The following PCDHGA10 variants were observed in gnomAD, a reference collection of about 807,000 sequenced individuals.
PCDHGA10 encodes the protein protocadherin gamma subfamily A, 10.
In PCDHGA10, 42 loss-of-function variants were observed where a neutral mutation model predicts 59.5. The ratio of observed to expected loss-of-function variants is 0.71; its 90% CI spans 0.55 to 0.91. PCDHGA10 has a LOEUF of 0.91. PCDHGA10 is among the 40% of genes least tolerant of loss of function. The pLI, the probability that PCDHGA10 is intolerant of heterozygous loss-of-function variation, is 0.00. For synonymous variants in PCDHGA10, 511 were observed against 517.2 expected (o/e 0.99, Z 0.16); for missense variants, 1,111 against 1,198.2 (o/e 0.93, Z 1.07).
intron 1 of PCDHGA10, among the ~76,000 whole-genome samples, chr5:141,468,747 T>A (rs2099176715): frequency 6.6e-6 from 1 of 151,990 alleles, no homozygotes; most frequent in South Asian, 2.1e-4. Context: ...GTGCCTGTAG[T>A]CCCAGCTACT....
chr5:141,467,764 TGCCCGCACCTCA>T (rs544344217), intron 1 of PCDHGA10, among the ~76,000 whole-genome samples: 90 of 152,158 alleles, frequency 5.9e-4, no homozygotes, highest in South Asian at 1.0e-3. Context: ...CATGCTCAAG[TGCCCGCACCTCA>T]GCCTCTCAAG....
intron 1 of PCDHGA10, chr5:141,423,881 G>A (rs2096788712): frequency 7.8e-7 from 1 of 1,281,784 alleles, no homozygotes; most frequent in Non-Finnish European, 9.9e-7. Flanking sequence ...TTCAATCTTG[G>A]CATATTTTCT....
Position 141,477,662 on chromosome 5 carries a change from A to G in PCDHGA10, c.2437-17145A>G. On this transcript the variant is annotated intron_variant, in intron 1 of 3. Transcript: ENST00000398610. The surrounding 1 kb of genome is among the most constrained non-coding windows in gnomAD (Gnocchi z 4.9). ...TCGCTATTTCACAATAAATCGTGAC[A>G]ATGGCATAGTGTCATCCTTAGTGCC... The G allele has an allele frequency of 6.2e-7, 1 of 1,614,222 alleles. No individual in the cohort carries two copies.
At chr5:141,430,633 C>T in intron 1 of PCDHGA10, 1 of 868,018 alleles carries the variant, frequency 1.2e-6, no homozygotes, top group Non-Finnish European at 1.7e-6. Context: ...ATGAACCATC[C>T]CTGGGAGTAT....
intron 1 of PCDHGA10, chr5:141,428,270 C>T (rs1353416356): frequency 1.3e-6 from 1 of 778,952 alleles, no homozygotes. Flanking sequence ...AGTCCTGTGC[C>T]CTCTGATTCC....
chr5:141,459,579 T>G (rs1047850142), intron 1 of PCDHGA10, among the ~76,000 whole-genome samples: 2 of 152,212 alleles, frequency 1.3e-5, no homozygotes, highest in African/African-American at 4.8e-5. Context: ...AGAATTGTTT[T>G]GGGGGTCATA....
At position 141,431,303 on chromosome 5, in the gene PCDHGA10, G is replaced by T. The variant is rs777784010; in HGVS notation, c.2436+15692G>T. The T allele has an allele frequency of 1.2e-6, 2 of 1,614,060 alleles. No homozygotes were observed. Among genetic ancestry groups the T allele is most frequent in the Non-Finnish European group, 1.7e-6 (2 of 1,180,038 alleles). On this transcript the variant is annotated intron_variant, in intron 1 of 3. Coordinates refer to ENST00000398610, the MANE Select transcript of PCDHGA10 (RefSeq NM_018913.3). The surrounding 1 kb of genome is among the most constrained non-coding windows in gnomAD (Gnocchi z 4.8). ...CCCGAACACTCACTTCTCCCTCATC[G>T]TGCAAAATGGAGCCGACGGTAGTAA...
At chr5:141,437,944 G>A (rs576107104) in intron 1 of PCDHGA10, among the ~76,000 whole-genome samples, 1 of 152,178 alleles carries the variant, frequency 6.6e-6, no homozygotes, top group South Asian at 2.1e-4. Flanking sequence ...CACCATATTG[G>A]CCAGAATGGT....
chr5:141,421,073 G>A (rs2096544393), intron 1 of PCDHGA10: 4 of 613,858 alleles, frequency 6.5e-6, no homozygotes, highest in Non-Finnish European at 1.1e-5. Flanking sequence ...GGAATGAGAT[G>A]GATACTCACA....
intron 1 of PCDHGA10, among the ~76,000 whole-genome samples, chr5:141,433,664 C>G (rs1027404017): frequency 6.6e-6 from 1 of 151,966 alleles, no homozygotes; most frequent in South Asian, 2.1e-4. Flanking sequence ...GGAGAAACCC[C>G]GTCTATACTA....
At chr5:141,437,778 G>C (rs750813139) in intron 1 of PCDHGA10, among the ~76,000 whole-genome samples, 1 of 146,836 alleles carries the variant, frequency 6.8e-6, no homozygotes, top group Non-Finnish European at 1.5e-5. Flanking sequence ...TCAATCTGTC[G>C]CCAAGCTGGA....
chr5:141,444,240 C>A (rs1017550385), intron 1 of PCDHGA10, among the ~76,000 whole-genome samples: 1 of 128,688 alleles, frequency 7.8e-6, no homozygotes, highest in Admixed American at 9.7e-5. Flanking sequence ...GGCATGCTCT[C>A]GGCTCACTGC....
chr5:141,474,626 G>A (rs1006911535), intron 1 of PCDHGA10, among the ~76,000 whole-genome samples: 5 of 152,288 alleles, frequency 3.3e-5, no homozygotes, highest in African/African-American at 9.6e-5. Flanking sequence ...CATCTCTTCC[G>A]GAAATATCCT....
chr5:141,491,800 C>G lies in PCDHGA10; in HGVS notation c.2437-3007C>G. The G allele has an allele frequency of 6.7e-7, 1 of 1,500,854 alleles. No individual in the cohort carries two copies. The highest frequency in any genetic ancestry group is 8.9e-7 in the Non-Finnish European group (1 of 1,125,316). 93.0% of individuals were successfully genotyped at this position (1,500,854 alleles called of 1,614,324 possible). A position where few individuals can be genotyped will look rare whatever the true frequency, so the allele number is the denominator to read the frequency against. ...GAACTTGCATCCACTCCTCTCCGGC[C>G]GGCTTGGTCGCTGGCTGCGCTCCAC... On this transcript the variant is annotated intron_variant, in intron 1 of 3. Transcript: ENST00000398610. The surrounding 1 kb of genome is among the most constrained non-coding windows in gnomAD (Gnocchi z 6.9).
Position 141,415,462 on chromosome 5 carries a change from C to T in PCDHGA10, c.2287C>T (p.Leu763Phe). 6.2e-7 allele frequency: 1 copy of T among 1,614,220 alleles called. No individual in the cohort carries two copies. ...FLQTYSHEVS[L>F]TADSRKSHLI... ...GCAGACCTATTCCCACGAGGTCTCTCTCACCGCGGACTCGCGAAAGAGTCA... is the reference window on the plus strand; with the variant it reads ...GCAGACCTATTCCCACGAGGTCTCTTTCACCGCGGACTCGCGAAAGAGTCA... Residue 763 changes from leucine (L) to phenylalanine (F), a missense_variant, in exon 1 of 4, where the codon CTC becomes TTC. Transcript: ENST00000398610.
chr5:141,428,757 G>T (rs1216855355), intron 1 of PCDHGA10: 1 of 154,176 alleles, frequency 6.5e-6, no homozygotes, highest in Non-Finnish European at 1.4e-5. Context: ...CTTCAGGTTT[G>T]TTTGCCCACT....
At chr5:141,422,684 C>T (rs2096664410) in intron 1 of PCDHGA10, 1 of 1,604,876 alleles carries the variant, frequency 6.2e-7, no homozygotes, top group Admixed American at 1.7e-5. Flanking sequence ...AAACAGAATG[C>T]CCTGGTCACT....
chr5:141,490,232 A>G lies in PCDHGA10; in HGVS notation c.2437-4575A>G. 6.2e-7 allele frequency: 1 copy of G among 1,614,216 alleles called. No homozygotes were observed. Among genetic ancestry groups the G allele is most frequent in the Non-Finnish European group, 8.5e-7 (1 of 1,180,032 alleles). ...CGTGACCAGGGACAGCCTGCCATGG[A>G]GGGCCACTGTGTGATTCAAGTGGAT... On this transcript the variant is annotated intron_variant, in intron 1 of 3. Transcript: ENST00000398610. This position sits in a 1 kb window ranked among gnomAD's most constrained non-coding sequence, Gnocchi z 5.4.
At chr5:141,496,602 C>T (rs981108050) in intron 2 of PCDHGA10, among the ~76,000 whole-genome samples, 1 of 152,150 alleles carries the variant, frequency 6.6e-6, no homozygotes, top group Non-Finnish European at 1.5e-5. Flanking sequence ...TCTTAGAAGG[C>T]CCCTAAAAAG....
Sources: allele counts gnomAD v4.1 joint callset (sites outside exome capture counted in the v4.1 genomes callset), GRCh38; gene constraint gnomAD v4.1.1; non-coding constraint Gnocchi (gnomAD v3.1); transcripts MANE v1.5; gene names NCBI Gene and HGNC (gene_info 2026-07-23, HGNC 2026-07-21).